GLIS1: variants seen among roughly 807,000 people sequenced by gnomAD.
GLIS1 encodes the protein zinc finger protein GLIS1.
GLIS1 carries 24 observed loss-of-function variants against 63.8 expected under a neutral mutation model. That is an observed-to-expected ratio of 0.38 (90% CI 0.27 to 0.53). GLIS1 has a LOEUF of 0.53. Among genes scored for constraint, GLIS1 ranks in the 20% least tolerant of loss-of-function variants. GLIS1 has a pLI of 0.85. For missense variants in GLIS1, 1,036 were observed against 1,074.1 expected, an observed-to-expected ratio of 0.96 and a Z score of 0.50; for synonymous variants, 450 against 482.5, an observed-to-expected ratio of 0.93 and a Z score of 0.88.
At chr1:53,571,392 G>A (rs1343464901) in intron 4 of GLIS1, among the ~76,000 whole-genome samples, 1 of 152,162 alleles carries the variant, frequency 6.6e-6, no homozygotes, top group Non-Finnish European at 1.5e-5. Context: ...TAGTGAAAAT[G>A]TTCCATAGGT....
intron 2 of GLIS1, among the ~76,000 whole-genome samples, chr1:53,672,376 C>T (rs1475399932): frequency 1.3e-5 from 2 of 152,250 alleles, no homozygotes; most frequent in African/African-American, 4.8e-5. Flanking sequence ...CAACTCAGAG[C>T]TGTATGGAGT....
chr1:53,592,774 T>G (rs1267493675), intron 4 of GLIS1, among the ~76,000 whole-genome samples: 1 of 152,222 alleles, frequency 6.6e-6, no homozygotes, highest in Non-Finnish European at 1.5e-5. Flanking sequence ...TCCTCCTGCC[T>G]CCCCTTGGCA....
At chr1:53,549,463 C>T (rs879718573) in intron 4 of GLIS1, among the ~76,000 whole-genome samples, 7 of 152,228 alleles carry the variant, frequency 4.6e-5, no homozygotes, top group African/African-American at 9.7e-5. Flanking sequence ...TTGATTCTAG[C>T]CCTTCTAGTG....
chr1:53,552,500 G>A (rs1644770360), intron 4 of GLIS1, among the ~76,000 whole-genome samples: 1 of 152,218 alleles, frequency 6.6e-6, no homozygotes, highest in African/African-American at 2.4e-5. Flanking sequence ...AAAGATTGTT[G>A]TCTTTGTCTT....
At chr1:53,552,112 G>T (rs144263305) in intron 4 of GLIS1, among the ~76,000 whole-genome samples, 3 of 151,880 alleles carry the variant, frequency 2.0e-5, no homozygotes, top group Non-Finnish European at 4.4e-5. Flanking sequence ...CACCCCCAAA[G>T]CTTAACACAT....
At chr1:53,605,257 C>G (rs1645358524) in intron 2 of GLIS1, among the ~76,000 whole-genome samples, 1 of 152,142 alleles carries the variant, frequency 6.6e-6, no homozygotes, top group South Asian at 2.1e-4. Flanking sequence ...ACAACCTAGA[C>G]TCCCCTGTCC....
chr1:53,579,575 C>T (rs1365402548), intron 4 of GLIS1, among the ~76,000 whole-genome samples: 2 of 152,228 alleles, frequency 1.3e-5, no homozygotes, highest in African/African-American at 2.4e-5. Context: ...TGCCAACCTC[C>T]CGACAGAGGT....
rs150235436 is a variant in GLIS1, at chr1:53,594,456, G to A, written c.972C>T (p.Pro324=). The A allele has an allele frequency of 1.6e-5, 26 of 1,612,858 alleles. No individual in the cohort carries two copies. Among genetic ancestry groups the A allele is most frequent in the East Asian group, 2.2e-5 (1 of 44,894 alleles). The part of the protein sequence containing the change: ...CRKASFLKQE[P]ADEFSELFGP... ...CAAAGAGCTCTGAAAACTCATCCGC[G>A]GGTTCCTGCTTCAGGAAGCTCGCCT... The change falls in exon 4 of 11, where the codon CCC becomes CCT. Residue 324 remains proline, a synonymous_variant. Transcript: ENST00000628545.
intron 8 of GLIS1, among the ~76,000 whole-genome samples, chr1:53,510,764 A>G (rs1644290810): frequency 6.6e-6 from 1 of 152,226 alleles, no homozygotes; most frequent in African/African-American, 2.4e-5. Flanking sequence ...CCCATGGCCA[A>G]GTCGGCATTT....
At chr1:53,577,084 G>A (rs765614151) in intron 4 of GLIS1, among the ~76,000 whole-genome samples, 7 of 148,968 alleles carry the variant, frequency 4.7e-5, no homozygotes, top group Non-Finnish European at 8.9e-5. Context: ...GATGTCCCCT[G>A]TGGGTGCTCT....
intron 2 of GLIS1, among the ~76,000 whole-genome samples, chr1:53,619,977 G>A (rs998491097): frequency 6.6e-6 from 1 of 152,214 alleles, no homozygotes; most frequent in African/African-American, 2.4e-5. Context: ...GGCCAGAGAG[G>A]ATGATGCTCT....
intron 2 of GLIS1, among the ~76,000 whole-genome samples, chr1:53,698,365 G>A (rs774369601): frequency 6.6e-5 from 10 of 152,198 alleles, no homozygotes; most frequent in Non-Finnish European, 1.2e-4. Flanking sequence ...GCCAACTCGA[G>A]CCTCTGCTTC....
intron 2 of GLIS1, chr1:53,734,090 G>A (rs1456857597): frequency 3.1e-6 from 3 of 982,754 alleles, no homozygotes. Flanking sequence ...TTACAAGACT[G>A]ACTGCTTTTT....
At chr1:53,730,313 G>A (rs1481707672) in intron 2 of GLIS1, among the ~76,000 whole-genome samples, 1 of 152,166 alleles carries the variant, frequency 6.6e-6, no homozygotes, top group Non-Finnish European at 1.5e-5. Flanking sequence ...TATTTACAGG[G>A]TTGGAAAGTT....
chr1:53,739,124 A>G lies in GLIS1; in HGVS notation c.-62T>C, dbSNP rs1646942322. Among the ~76,000 whole-genome samples the G allele has an allele frequency of 6.6e-6, 1 of 150,554 alleles. No homozygotes were observed. The highest frequency in any genetic ancestry group is 6.6e-5 in the Admixed American group (1 of 15,158). ...TCTCACCTCGCAGCGGCAGCTGCAGATCGCTGGGCGCCCGGCTCGGCGCGC... is the reference window on the plus strand; with the variant it reads ...TCTCACCTCGCAGCGGCAGCTGCAGGTCGCTGGGCGCCCGGCTCGGCGCGC... On this transcript the variant is annotated 5_prime_UTR_variant, in exon 1 of 11. Transcript: ENST00000628545.
chr1:53,630,022 G>T (rs910179144), intron 2 of GLIS1, among the ~76,000 whole-genome samples: 2 of 152,144 alleles, frequency 1.3e-5, no homozygotes, highest in Non-Finnish European at 2.9e-5. Flanking sequence ...CTCAGATTTT[G>T]ATATATTCAT....
chr1:53,627,364 C>T (rs954865137), intron 2 of GLIS1, among the ~76,000 whole-genome samples: 2 of 152,192 alleles, frequency 1.3e-5, no homozygotes, highest in African/African-American at 4.8e-5. Flanking sequence ...CTTCCCTGAG[C>T]GAACTTTCAA....
intron 8 of GLIS1, among the ~76,000 whole-genome samples, chr1:53,512,769 G>A (rs1644310135): frequency 6.6e-6 from 1 of 152,114 alleles, no homozygotes; most frequent in Non-Finnish European, 1.5e-5. Context: ...GCGGCAGGCA[G>A]GTGATGAATG....
At chr1:53,619,035 C>T (rs749886689) in intron 2 of GLIS1, among the ~76,000 whole-genome samples, 2 of 152,244 alleles carry the variant, frequency 1.3e-5, no homozygotes, top group Non-Finnish European at 2.9e-5. Flanking sequence ...CAGACAGCCA[C>T]TGTGAATCCC....
Sources: gnomAD v4.1 joint callset for allele counts (sites outside exome capture counted in the v4.1 genomes callset) on GRCh38, gnomAD v4.1.1 for gene constraint, MANE v1.5 for transcripts, NCBI Gene and HGNC (gene_info 2026-07-23, HGNC 2026-07-21) for gene names.